Variants in PTPRT observed in about 807,000 individuals in gnomAD.
PTPRT encodes protein tyrosine phosphatase receptor type T.
PTPRT carries 56 observed loss-of-function variants against 176.8 expected under a neutral mutation model. That is an observed-to-expected ratio of 0.32 (90% CI 0.26 to 0.40). The LOEUF (loss-of-function observed/expected upper bound fraction) is 0.40, where lower values mean the gene tolerates loss of function less well. Among genes scored for constraint, PTPRT ranks in the 10% least tolerant of loss-of-function variants. PTPRT has a pLI of 1.00. For synonymous variants in PTPRT, 783 were observed against 739.0 expected, an observed-to-expected ratio of 1.06 and a Z score of -0.96; for missense variants, 1,540 against 1,908.2, an observed-to-expected ratio of 0.81 and a Z score of 3.60.
At chr20:42,742,388 C>T (rs2076624719) in intron 6 of PTPRT, among the ~76,000 whole-genome samples, 1 of 152,234 alleles carries the variant, frequency 6.6e-6, no homozygotes, top group Admixed American at 6.5e-5. Context: ...GGACAAGTCA[C>T]AGTTGGTTCA....
At chr20:43,000,150 C>A (rs1984481019) in intron 1 of PTPRT, among the ~76,000 whole-genome samples, 1 of 151,706 alleles carries the variant, frequency 6.6e-6, no homozygotes, top group South Asian at 2.1e-4. Context: ...AAATACCCAA[C>A]CCTTTCTTCT....
At chr20:42,089,111 A>T (rs995964312) in intron 27 of PTPRT, among the ~76,000 whole-genome samples, 1 of 148,528 alleles carries the variant, frequency 6.7e-6, no homozygotes, top group Admixed American at 6.7e-5. Flanking sequence ...AGTGTGTGTG[A>T]GTGTGTGTGT....
chr20:42,928,031 T>A (rs372261154), intron 1 of PTPRT, among the ~76,000 whole-genome samples: 5 of 152,174 alleles, frequency 3.3e-5, no homozygotes, highest in Admixed American at 1.3e-4. Flanking sequence ...GGGCCTGCCA[T>A]GCAGCAGTTG....
chr20:42,738,521 AG>A (rs2146286202), intron 6 of PTPRT, among the ~76,000 whole-genome samples: 1 of 151,948 alleles, frequency 6.6e-6, no homozygotes, highest in South Asian at 2.1e-4. Flanking sequence ...AAAAAAAAAA[AG>A]AATGACATTC....
chr20:42,256,310 C>T (rs148732638), intron 13 of PTPRT, among the ~76,000 whole-genome samples: 4 of 152,202 alleles, frequency 2.6e-5, no homozygotes, highest in Non-Finnish European at 5.9e-5. Flanking sequence ...AAGAAGTTGG[C>T]AGGAGAGCAT....
intron 12 of PTPRT, among the ~76,000 whole-genome samples, chr20:42,314,932 G>T (rs969064812): frequency 1.6e-5 from 1 of 61,446 alleles, no homozygotes; most frequent in Non-Finnish European, 4.3e-5. Flanking sequence ...AAGCACTAAT[G>T]CCAGTTAATT....
At chr20:42,831,301 G>GGA (rs2078082506) in intron 2 of PTPRT, among the ~76,000 whole-genome samples, 2 of 152,126 alleles carry the variant, frequency 1.3e-5, no homozygotes, top group Admixed American at 1.3e-4. Flanking sequence ...TCAATAAATG[G>GGA]TACTGGGATA....
intron 13 of PTPRT, among the ~76,000 whole-genome samples, chr20:42,279,836 G>T (rs1316922981): frequency 6.6e-6 from 1 of 152,200 alleles, no homozygotes; most frequent in Non-Finnish European, 1.5e-5. Flanking sequence ...GTCATAGACA[G>T]TGGCTGGACT....
chr20:42,421,560 G>A (rs1337444499), intron 9 of PTPRT, among the ~76,000 whole-genome samples: 2 of 152,076 alleles, frequency 1.3e-5, no homozygotes, highest in Non-Finnish European at 2.9e-5. Context: ...GTGTGTGTGT[G>A]TTTGGGGGAG....
chr20:43,143,100 T>A (rs1430099936), intron 1 of PTPRT, among the ~76,000 whole-genome samples: 3 of 152,186 alleles, frequency 2.0e-5, no homozygotes, highest in African/African-American at 7.2e-5. Context: ...CCACGGCTCC[T>A]CTTCTCCCCA....
intron 19 of PTPRT, among the ~76,000 whole-genome samples, chr20:42,125,872 C>T (rs978223272): frequency 2.0e-5 from 3 of 152,124 alleles, no homozygotes; most frequent in African/African-American, 7.2e-5. Flanking sequence ...GAAACTCAGG[C>T]ATGCCAGACC....
intron 12 of PTPRT, among the ~76,000 whole-genome samples, chr20:42,305,003 C>G (rs907639144): frequency 6.6e-6 from 1 of 152,150 alleles, no homozygotes; most frequent in Non-Finnish European, 1.5e-5. Flanking sequence ...TATACTAGGC[C>G]TCTGGTGCAA....
In PTPRT at chr20:42,263,674, G is replaced by A. The variant is rs944773201; in HGVS notation, c.2177-14852C>T. Among the ~76,000 whole-genome samples the A allele has an allele frequency of 7.4e-5, 11 of 148,342 alleles. 1 individual carries two copies. Among genetic ancestry groups the A allele is most frequent in the South Asian group, 4.2e-4 (2 of 4,754 alleles). On this transcript the variant is annotated intron_variant, in intron 13 of 30. Transcript: ENST00000373187. ...GATTATAGACATGAGCCACTGCGCC[G>A]GGCCTTTTTTTTTTTTTTTAACTTT...
chr20:42,651,080 T>C (rs2075021355), intron 7 of PTPRT, among the ~76,000 whole-genome samples: 1 of 152,084 alleles, frequency 6.6e-6, no homozygotes, highest in African/African-American at 2.4e-5. Flanking sequence ...ATTAAATGGC[T>C]CTTATATCTG....
chr20:42,223,453 G>A (rs549992109), intron 15 of PTPRT, among the ~76,000 whole-genome samples: 2 of 152,278 alleles, frequency 1.3e-5, no homozygotes, highest in South Asian at 4.1e-4. Context: ...GCTTCCAGGT[G>A]TTGCTTATTG....
intron 2 of PTPRT, among the ~76,000 whole-genome samples, chr20:42,793,521 T>C (rs555844363): frequency 1.4e-4 from 22 of 152,172 alleles, no homozygotes; most frequent in Non-Finnish European, 2.2e-4. Flanking sequence ...TTTCGGAAAA[T>C]GTAGCACCTC....
At chr20:42,362,396 G>C (rs996209343) in intron 9 of PTPRT, among the ~76,000 whole-genome samples, 1 of 150,170 alleles carries the variant, frequency 6.7e-6, no homozygotes, top group Non-Finnish European at 1.5e-5. Context: ...CTAATCGTGA[G>C]AAAACATCAG....
intron 16 of PTPRT, among the ~76,000 whole-genome samples, chr20:42,163,693 C>CA (rs1426314518): frequency 6.6e-6 from 1 of 152,128 alleles, no homozygotes; most frequent in Non-Finnish European, 1.5e-5. Context: ...GAGATGAAGG[C>CA]ACATGTAGTT....
intron 13 of PTPRT, among the ~76,000 whole-genome samples, chr20:42,256,515 G>C (rs1418036996): frequency 1.3e-5 from 2 of 148,404 alleles, no homozygotes; most frequent in Non-Finnish European, 3.0e-5. Context: ...AAAAAAAAAT[G>C]TATTTCAGAT....
Sources: gnomAD v4.1 joint callset for allele counts (sites outside exome capture counted in the v4.1 genomes callset) on GRCh38, gnomAD v4.1.1 for gene constraint, MANE v1.5 for transcripts, NCBI Gene and HGNC (gene_info 2026-07-23, HGNC 2026-07-21) for gene names.